The following DARS1 variants were observed in gnomAD, a reference collection of about 807,000 sequenced individuals.
DARS1 encodes the protein aspartate--tRNA ligase, cytoplasmic.
Under a neutral mutation model 68.8 loss-of-function variants are expected in DARS1, and 51 were observed. The observed-to-expected ratio is 0.74, with a 90% CI of 0.59 to 0.94. DARS1 has a LOEUF of 0.94. Ranked by LOEUF, DARS1 falls within the 40% of genes least tolerant of loss-of-function variation. The pLI is 0.00. For missense variants in DARS1, 607 were observed against 597.3 expected (o/e 1.02, Z -0.17); for synonymous variants, 203 against 190.4 (o/e 1.07, Z -0.55).
intron 13 of DARS1, 68 bp downstream of exon 13, chr2:135,912,418 C>T (rs1169341981): frequency 1.5e-6 from 1 of 685,928 alleles, no homozygotes; most frequent in African/African-American, 1.8e-5. Context: ...TCCTATTATA[C>T]AATCTGACAG....
chr2:135,910,407 A>G (rs1032742237), intron 15 of DARS1, among the ~76,000 whole-genome samples: 1 of 152,040 alleles, frequency 6.6e-6, no homozygotes, highest in African/African-American at 2.4e-5. Flanking sequence ...ATATTTCCCT[A>G]ATGTTTAGTG....
chr2:135,953,009 T>A (rs1182733699), intron 4 of DARS1, among the ~76,000 whole-genome samples: 1 of 152,118 alleles, frequency 6.6e-6, no homozygotes, highest in Non-Finnish European at 1.5e-5. Flanking sequence ...GTATGAGGGG[T>A]TTCCCTTTCT....
At chr2:135,911,298 T>G (rs1680889907) in intron 14 of DARS1, 84 bp downstream of exon 14, 5 of 851,402 alleles carry the variant, frequency 5.9e-6, no homozygotes, top group Non-Finnish European at 1.0e-5. Flanking sequence ...TGGAGATTTT[T>G]AAAAAGACTG....
intron 7 of DARS1, among the ~76,000 whole-genome samples, chr2:135,926,026 G>T (rs182896052): frequency 3.3e-5 from 5 of 152,264 alleles, no homozygotes; most frequent in Admixed American, 2.6e-4. Context: ...GAGTAGCTAG[G>T]ATTATAGGTG....
At chr2:135,953,579 T>C (rs1681896203) in intron 4 of DARS1, among the ~76,000 whole-genome samples, 1 of 152,218 alleles carries the variant, frequency 6.6e-6, no homozygotes, top group Non-Finnish European at 1.5e-5. Flanking sequence ...TTATTAGATT[T>C]GCCTCTAGTG....
intron 4 of DARS1, among the ~76,000 whole-genome samples, chr2:135,956,457 C>G (rs1379120117): frequency 6.6e-6 from 1 of 152,088 alleles, no homozygotes; most frequent in African/African-American, 2.4e-5. Context: ...GAGAAGGAAC[C>G]CAATTAGCTA....
chr2:135,984,218 A>C (rs1682714292), intron 1 of DARS1, among the ~76,000 whole-genome samples: 1 of 152,216 alleles, frequency 6.6e-6, no homozygotes, highest in Admixed American at 6.5e-5. Flanking sequence ...TAGCTATAAA[A>C]TGGCATAACT....
At chr2:135,961,258 A>G in intron 4 of DARS1, 138 bp downstream of exon 4, 1 of 620,508 alleles carries the variant, frequency 1.6e-6, no homozygotes, top group Non-Finnish European at 2.9e-6. Context: ...ATTCAGCAAC[A>G]CTGAACTGAC....
At position 135,977,557 on chromosome 2, in the gene DARS1, T is replaced by C. The variant is rs12624144; in HGVS notation, c.217+1717A>G. Among the ~76,000 whole-genome samples, 1,170 of 152,314 alleles carry C rather than the reference T, an allele frequency of 7.7e-3. 100 individuals carry two copies. In the East Asian group the frequency reaches 0.2, roughly 25 times the overall value. On this transcript the variant is annotated intron_variant, in intron 3 of 15. Transcript: ENST00000264161. Reference sequence around the variant, plus strand: ...TTGGACAGAACAAAGGCTCTCAGTATAACGGGAGAGAGACGAGTAAATGAA... The same window carrying C: ...TTGGACAGAACAAAGGCTCTCAGTACAACGGGAGAGAGACGAGTAAATGAA...
At chr2:135,945,007 T>C (rs1221815909) in intron 4 of DARS1, among the ~76,000 whole-genome samples, 11 of 152,198 alleles carry the variant, frequency 7.2e-5, no homozygotes, top group Admixed American at 5.9e-4. Flanking sequence ...CTTTCTTCTA[T>C]ATCCCTGACC....
intron 4 of DARS1, among the ~76,000 whole-genome samples, chr2:135,945,582 A>G (rs1175616261): frequency 6.6e-6 from 1 of 152,036 alleles, no homozygotes; most frequent in Non-Finnish European, 1.5e-5. Context: ...GTACCAGATG[A>G]CTCTTTTAAC....
intron 8 of DARS1, among the ~76,000 whole-genome samples, chr2:135,923,746 G>A (rs950652731): frequency 1.3e-5 from 2 of 152,162 alleles, no homozygotes; most frequent in African/African-American, 2.4e-5. Flanking sequence ...AGCCAGGCGT[G>A]GTGGCTCACA....
intron 4 of DARS1, among the ~76,000 whole-genome samples, chr2:135,958,461 C>T (rs919355929): frequency 6.6e-6 from 1 of 152,100 alleles, no homozygotes; most frequent in Admixed American, 6.5e-5. Context: ...CAAAGAAAAA[C>T]CCCATATATC....
chr2:135,963,353 ATTAATG>A (rs1682141612), intron 3 of DARS1, among the ~76,000 whole-genome samples: 1 of 151,964 alleles, frequency 6.6e-6, no homozygotes, highest in Non-Finnish European at 1.5e-5. Context: ...ACGGAGCCCA[ATTAATG>A]TTAACTATTA....
intron 3 of DARS1, among the ~76,000 whole-genome samples, chr2:135,976,782 C>CAAAAAAAAAAAAAAAAAAAAAAAAAA (rs10598545): frequency 9.6e-6 from 1 of 104,532 alleles, no homozygotes; most frequent in African/African-American, 3.1e-5. Context: ...GCAAATATTC[C>CAAAAAAAAAAAAAAAAAAAAAAAAAA]AAAAAAAAAA....
At chr2:135,957,331 G>A (rs570737977) in intron 4 of DARS1, among the ~76,000 whole-genome samples, 7 of 151,136 alleles carry the variant, frequency 4.6e-5, no homozygotes, top group South Asian at 2.1e-4. Flanking sequence ...GGGTTCAACC[G>A]ATTCTCCTGC....
At chr2:135,908,313 C>A (rs1680829151) in intron 15 of DARS1, among the ~76,000 whole-genome samples, 1 of 152,134 alleles carries the variant, frequency 6.6e-6, no homozygotes, top group Non-Finnish European at 1.5e-5. Flanking sequence ...AAAAATCTAC[C>A]ATCTGAACCA....
At chr2:135,930,337 CAA>C (rs1471862518) in intron 7 of DARS1, among the ~76,000 whole-genome samples, 1 of 152,098 alleles carries the variant, frequency 6.6e-6, no homozygotes, top group Non-Finnish European at 1.5e-5. Context: ...TATTAGCAAA[CAA>C]AGAGAACTTT....
At chr2:135,955,656 CT>C (rs1418511281) in intron 4 of DARS1, among the ~76,000 whole-genome samples, 2 of 141,480 alleles carry the variant, frequency 1.4e-5, no homozygotes, top group Admixed American at 7.1e-5. Context: ...AAACCACCAC[CT>C]TTTGAAAATA....
Sources: allele counts gnomAD v4.1 joint callset (sites outside exome capture counted in the v4.1 genomes callset), GRCh38; gene constraint gnomAD v4.1.1; transcripts MANE v1.5; gene names NCBI Gene and HGNC (gene_info 2026-07-23, HGNC 2026-07-21).